ZCCHC4: variants seen among roughly 807,000 people sequenced by gnomAD.
ZCCHC4 encodes zinc finger CCHC-type containing 4, also known as rRNA N(6)-adenosine-methyltransferase ZCCHC4.
A neutral mutation model predicts 67.7 loss-of-function variants in ZCCHC4; 54 were observed. The ratio of observed to expected loss-of-function variants is 0.80; its 90% CI spans 0.64 to 1.00. ZCCHC4 has a LOEUF of 1.00. Ranked by LOEUF, ZCCHC4 falls within the 50% of genes least tolerant of loss-of-function variation. The pLI, the probability that ZCCHC4 is intolerant of heterozygous loss-of-function variation, is 0.00. For synonymous variants in ZCCHC4, 198 were observed against 213.5 expected (o/e 0.93, Z 0.63); for missense variants, 609 against 617.0 (o/e 0.99, Z 0.14).
At chr4:25,344,413 G>A (rs1360739120) in intron 5 of ZCCHC4, among the ~76,000 whole-genome samples, 1 of 139,500 alleles carries the variant, frequency 7.2e-6, no homozygotes, top group African/African-American at 2.6e-5. Flanking sequence ...ATTGAACAAT[G>A]AGAACACATG....
At chr4:25,343,163 T>C (rs1426555858) in intron 5 of ZCCHC4, among the ~76,000 whole-genome samples, 2 of 152,206 alleles carry the variant, frequency 1.3e-5, no homozygotes, top group African/African-American at 2.4e-5. Context: ...TAGGAAGACA[T>C]ATTTGTTTAA....
intron 3 of ZCCHC4, among the ~76,000 whole-genome samples, chr4:25,317,745 G>T (rs952977271): frequency 1.4e-5 from 2 of 146,776 alleles, no homozygotes; most frequent in African/African-American, 4.9e-5. Flanking sequence ...AGAAAATGGA[G>T]CACTACTGTG....
chr4:25,327,142 A>C (rs2109058183), intron 3 of ZCCHC4, among the ~76,000 whole-genome samples: 1 of 152,298 alleles, frequency 6.6e-6, no homozygotes, highest in East Asian at 1.9e-4. Context: ...TGAATAAAGA[A>C]GTTTTAATGT....
At chr4:25,315,913 C>T (rs1718237597) in intron 3 of ZCCHC4, among the ~76,000 whole-genome samples, 1 of 152,004 alleles carries the variant, frequency 6.6e-6, no homozygotes. Flanking sequence ...TAAGGTCTTG[C>T]TATGTTGCCC....
chr4:25,361,113 T>A (rs1006097556), intron 8 of ZCCHC4, among the ~76,000 whole-genome samples: 1 of 152,222 alleles, frequency 6.6e-6, no homozygotes, highest in Non-Finnish European at 1.5e-5. Flanking sequence ...AAGGATGACC[T>A]CCTCCAACCA....
chr4:25,333,834 T>C, intron 4 of ZCCHC4, 74 bp from the exon 5 acceptor site: 1 of 1,019,924 alleles, frequency 9.8e-7, no homozygotes, highest in Non-Finnish European at 1.4e-6. Context: ...ACATTGATGG[T>C]TTTGTTGTTT....
intron 10 of ZCCHC4, among the ~76,000 whole-genome samples, chr4:25,363,948 T>G (rs1720850611): frequency 6.6e-6 from 1 of 152,214 alleles, no homozygotes; most frequent in Non-Finnish European, 1.5e-5. Flanking sequence ...GTGGGTTTTA[T>G]CCGTGTTTGC....
intron 3 of ZCCHC4, among the ~76,000 whole-genome samples, chr4:25,323,169 A>G (rs1417165840): frequency 6.6e-6 from 1 of 152,250 alleles, no homozygotes; most frequent in Non-Finnish European, 1.5e-5. Flanking sequence ...ATCATTGCCC[A>G]GAGGTTGTAA....
chr4:25,319,303 T>G lies in ZCCHC4; in HGVS notation c.329+3903T>G, dbSNP rs1425725893. Among the ~76,000 whole-genome samples, 12 of 151,454 alleles carry G rather than the reference T, an allele frequency of 7.9e-5. No homozygotes were observed. In the East Asian group the frequency reaches 1.9e-3, roughly 25 times the overall value. On this transcript the variant is annotated intron_variant, in intron 3 of 12. Coordinates refer to ENST00000302874, the MANE Select transcript of ZCCHC4 (RefSeq NM_024936.3). ...GGGAGGCTGAGGCAGGAGAATGGCGTGAACCTGGGAGGCAGAGCTTGTAGC... is the reference window on the plus strand; with the variant it reads ...GGGAGGCTGAGGCAGGAGAATGGCGGGAACCTGGGAGGCAGAGCTTGTAGC...
chr4:25,366,503 A>T lies in ZCCHC4; in HGVS notation c.1406+1337A>T, dbSNP rs554823308. ...GCTTACTTTTTGTATTTTTTAGTAG[A>T]GACGGGGTTTCGCCGTGTTAGCCAG... is the stretch of plus-strand genomic sequence containing the variant. On this transcript the variant is annotated intron_variant, in intron 12 of 12. Transcript: ENST00000302874. 3.9e-5 allele frequency among the ~76,000 whole-genome samples: 6 copies of T among 151,930 alleles called. No homozygotes were observed. In the East Asian group the frequency reaches 7.7e-4, roughly 20 times the overall value.
At chr4:25,346,810 G>A (rs1248978372) in intron 6 of ZCCHC4, among the ~76,000 whole-genome samples, 1 of 152,170 alleles carries the variant, frequency 6.6e-6, no homozygotes, top group Non-Finnish European at 1.5e-5. Flanking sequence ...CTGTTGAGGT[G>A]AATGTGAAGG....
At chr4:25,315,907 G>T (rs1359975745) in intron 3 of ZCCHC4, among the ~76,000 whole-genome samples, 1 of 151,972 alleles carries the variant, frequency 6.6e-6, no homozygotes, top group Non-Finnish European at 1.5e-5. Context: ...TAGAGATAAG[G>T]TCTTGCTATG....
intron 2 of ZCCHC4, among the ~76,000 whole-genome samples, chr4:25,314,823 T>A (rs1250359565): frequency 6.6e-6 from 1 of 152,186 alleles, no homozygotes; most frequent in African/African-American, 2.4e-5. Context: ...GAAATCATGA[T>A]CATTCCAGAA....
rs1317744886 is a variant in ZCCHC4 at position 25,312,774 on chromosome 4, G to A, written c.-36G>A. 6.2e-7 allele frequency: 1 copy of A among 1,611,658 alleles called. No individual in the cohort carries two copies. Among genetic ancestry groups the A allele is most frequent in the Non-Finnish European group, 8.5e-7 (1 of 1,179,416 alleles). The stretch of plus-strand genomic sequence containing the variant: ...GGGGGCGCTCTTTCTCAGCATTCTT[G>A]TTTCGTACTGAGGCTTTCGGGACGG... On this transcript the variant is annotated 5_prime_UTR_variant, in exon 1 of 13. Coordinates refer to ENST00000302874, the MANE Select transcript of ZCCHC4 (RefSeq NM_024936.3).
chr4:25,329,660 G>A (rs781745942), intron 3 of ZCCHC4, among the ~76,000 whole-genome samples: 7 of 150,226 alleles, frequency 4.7e-5, no homozygotes, highest in African/African-American at 9.8e-5. Context: ...TCAGCCTCCC[G>A]AGTAGCTGGG....
chr4:25,319,850 A>G (rs1324998706), intron 3 of ZCCHC4, among the ~76,000 whole-genome samples: 1 of 152,126 alleles, frequency 6.6e-6, no homozygotes, highest in Non-Finnish European at 1.5e-5. Context: ...TTAAACAACT[A>G]TTATATTTGA....
At chr4:25,364,947 T>C in intron 11 of ZCCHC4, 75 bp from the exon 12 acceptor site, 1 of 1,588,500 alleles carries the variant, frequency 6.3e-7, no homozygotes, top group Non-Finnish European at 8.6e-7. Flanking sequence ...TGTTCGTATA[T>C]CCTACCTTAA....
chr4:25,312,967 C>A, intron 1 of ZCCHC4, 31 bp downstream of exon 1: 1 of 1,607,396 alleles, frequency 6.2e-7, no homozygotes, highest in Non-Finnish European at 8.5e-7. Flanking sequence ...AGCCTAACTG[C>A]CGGGCGCTGA....
chr4:25,368,899 T>G (rs1343989481), intron 12 of ZCCHC4, 130 bp from the exon 13 acceptor site: 14 of 1,129,130 alleles, frequency 1.2e-5, no homozygotes, highest in African/African-American at 1.6e-5. Flanking sequence ...TGAGGATTTA[T>G]GCTTGCAATA....
Sources: gnomAD v4.1 joint callset for allele counts (sites outside exome capture counted in the v4.1 genomes callset) on GRCh38, gnomAD v4.1.1 for gene constraint, MANE v1.5 for transcripts, NCBI Gene and HGNC (gene_info 2026-07-23, HGNC 2026-07-21) for gene names.